KCNIP4: variants seen among roughly 807,000 people sequenced by gnomAD.
The protein encoded by KCNIP4 is potassium voltage-gated channel interacting protein 4.
A neutral mutation model predicts 34.0 loss-of-function variants in KCNIP4; 12 were observed. That is an observed-to-expected ratio of 0.35 (90% CI 0.23 to 0.57). The LOEUF (loss-of-function observed/expected upper bound fraction) is 0.57. Among genes scored for constraint, KCNIP4 ranks in the 20% least tolerant of loss-of-function variants. The pLI, the probability that KCNIP4 is intolerant of heterozygous loss-of-function variation, is 0.83. For missense variants in KCNIP4, 238 were observed against 311.7 expected, an observed-to-expected ratio of 0.76 and a Z score of 1.78; for synonymous variants, 124 against 102.2, an observed-to-expected ratio of 1.21 and a Z score of -1.29.
At chr4:20,873,667 A>G (rs1560533042) in intron 2 of KCNIP4, among the ~76,000 whole-genome samples, 2 of 152,294 alleles carry the variant, frequency 1.3e-5, no homozygotes, top group African/African-American at 4.8e-5. Flanking sequence ...TTTGGCACAT[A>G]TCTAGCTCCC....
intron 3 of KCNIP4, among the ~76,000 whole-genome samples, chr4:20,844,246 T>C (rs2149475552): frequency 6.6e-6 from 1 of 152,302 alleles, no homozygotes; most frequent in Non-Finnish European, 1.5e-5. Context: ...TGCATAGGCT[T>C]ATAGGCAATC....
intron 1 of KCNIP4, among the ~76,000 whole-genome samples, chr4:21,348,314 G>GT: frequency 6.6e-6 from 1 of 152,176 alleles, no homozygotes; most frequent in Admixed American, 6.6e-5. Context: ...TCCAAGTTAA[G>GT]TTATCAAAAG....
chr4:21,327,053 T>C (rs940180000), intron 1 of KCNIP4, among the ~76,000 whole-genome samples: 2 of 152,066 alleles, frequency 1.3e-5, no homozygotes, highest in Non-Finnish European at 2.9e-5. Flanking sequence ...CTTTAGTGCT[T>C]TTACTCAATA....
intron 1 of KCNIP4, among the ~76,000 whole-genome samples, chr4:21,146,862 A>G (rs1356134739): frequency 2.6e-5 from 4 of 152,192 alleles, no homozygotes; most frequent in Non-Finnish European, 5.9e-5. Flanking sequence ...CTTTTGCTCT[A>G]TTAAGACACA....
chr4:21,580,265 T>G (rs1414014967), intron 1 of KCNIP4, among the ~76,000 whole-genome samples: 2 of 152,092 alleles, frequency 1.3e-5, no homozygotes, highest in Admixed American at 1.3e-4. Context: ...ATACTAATAC[T>G]ATCACGTTTG....
chr4:21,887,706 G>A (rs914104922), intron 1 of KCNIP4, among the ~76,000 whole-genome samples: 2 of 152,094 alleles, frequency 1.3e-5, no homozygotes, highest in African/African-American at 4.8e-5. Flanking sequence ...TCAGCCTTCT[G>A]AATGATTTCC....
At position 21,651,346 on chromosome 4, in the gene KCNIP4, G is replaced by A. The variant is rs1051069448; in HGVS notation, c.61+297225C>T. 5.3e-5 allele frequency among the ~76,000 whole-genome samples: 8 copies of A among 152,156 alleles called. No homozygotes were observed. In the East Asian group the frequency reaches 1.5e-3, roughly 29 times the overall value. On this transcript the variant is annotated intron_variant, in intron 1 of 8. Coordinates refer to ENST00000382152, the MANE Select transcript of KCNIP4 (RefSeq NM_025221.6). ...GCTGGACAGAGAAGGCAAGGAGAGG[G>A]CATAACAGGAAATATGGATGTTCAC...
At chr4:21,177,058 C>T (rs1281115974) in intron 1 of KCNIP4, among the ~76,000 whole-genome samples, 1 of 152,142 alleles carries the variant, frequency 6.6e-6, no homozygotes, top group East Asian at 1.9e-4. Context: ...AAGAAAAGCA[C>T]TTAATTGATA....
intron 1 of KCNIP4, among the ~76,000 whole-genome samples, chr4:21,801,056 G>A (rs34384769): frequency 0.38 from 57,853 of 151,664 alleles, 12,497 homozygotes; most frequent in Non-Finnish European, 0.51. Context: ...AGAAAAATCA[G>A]GGAGGTTTTA....
At chr4:21,484,003 AC>A (rs1408262661) in intron 1 of KCNIP4, among the ~76,000 whole-genome samples, 1 of 124,770 alleles carries the variant, frequency 8.0e-6, no homozygotes, top group African/African-American at 3.3e-5. Flanking sequence ...AGCCAATTAA[AC>A]CTTTTTTTTT....
At chr4:20,734,769 ATT>A in intron 5 of KCNIP4, 34 bp from the exon 6 acceptor site, 1 of 1,328,524 alleles carries the variant, frequency 7.5e-7, no homozygotes, top group African/African-American at 1.5e-5. Flanking sequence ...TTTATATGAC[ATT>A]TTTAAAAAAA....
At chr4:21,233,561 T>C (rs1360488110) in intron 1 of KCNIP4, among the ~76,000 whole-genome samples, 2 of 151,490 alleles carry the variant, frequency 1.3e-5, no homozygotes, top group East Asian at 1.9e-4. Context: ...GGAGAGGTGG[T>C]TAAAAAACCA....
At chr4:20,790,126 C>G (rs904899197) in intron 3 of KCNIP4, among the ~76,000 whole-genome samples, 1 of 152,104 alleles carries the variant, frequency 6.6e-6, no homozygotes, top group South Asian at 2.1e-4. Context: ...ACTTGTACTG[C>G]ATGTAACTGT....
At chr4:20,745,464 A>G (rs907127285) in intron 5 of KCNIP4, among the ~76,000 whole-genome samples, 1 of 152,194 alleles carries the variant, frequency 6.6e-6, no homozygotes. Flanking sequence ...TGTGGCTTAT[A>G]AGACTTTTGC....
intron 1 of KCNIP4, among the ~76,000 whole-genome samples, chr4:21,263,810 C>A (rs145071264): frequency 6.6e-6 from 1 of 152,118 alleles, no homozygotes; most frequent in African/African-American, 2.4e-5. Context: ...CATGCACCAC[C>A]ATGCCTGACT....
chr4:20,747,448 A>G (rs1248934337), intron 5 of KCNIP4, among the ~76,000 whole-genome samples: 2 of 152,302 alleles, frequency 1.3e-5, no homozygotes, highest in East Asian at 3.9e-4. Flanking sequence ...CAAACACAAC[A>G]TTATCATGAA....
intron 1 of KCNIP4, among the ~76,000 whole-genome samples, chr4:21,717,245 C>T (rs192985307): frequency 1.3e-5 from 2 of 152,216 alleles, no homozygotes; most frequent in Admixed American, 6.5e-5. Flanking sequence ...TCTCTAATGT[C>T]CCCTAGGGGT....
At chr4:21,924,658 A>G (rs1578149123) in intron 1 of KCNIP4, among the ~76,000 whole-genome samples, 1 of 152,308 alleles carries the variant, frequency 6.6e-6, no homozygotes, top group Non-Finnish European at 1.5e-5. Flanking sequence ...TGTTGTCTCC[A>G]TCAATTTTTT....
intron 1 of KCNIP4, among the ~76,000 whole-genome samples, chr4:20,958,669 G>A (rs890598368): frequency 1.3e-5 from 2 of 152,154 alleles, no homozygotes; most frequent in South Asian, 2.1e-4. Context: ...GTAAGTAATA[G>A]CATCTTTCCT....
Sources: allele counts gnomAD v4.1 joint callset (sites outside exome capture counted in the v4.1 genomes callset), GRCh38; gene constraint gnomAD v4.1.1; transcripts MANE v1.5; gene names NCBI Gene and HGNC (gene_info 2026-07-23, HGNC 2026-07-21).